Variants in LARP1B observed in about 807,000 individuals in gnomAD.
The protein encoded by LARP1B is La ribonucleoprotein 1B.
LARP1B carries 76 observed loss-of-function variants against 114.2 expected under a neutral mutation model. The observed-to-expected ratio is 0.67, with a 90% CI of 0.55 to 0.81. The LOEUF (loss-of-function observed/expected upper bound fraction) is 0.81. LARP1B is among the 30% of genes least tolerant of loss of function. The probability of loss-of-function intolerance (pLI) is 0.00; values close to 1 mark genes in which losing one functional copy is unlikely to be tolerated. For synonymous variants in LARP1B, 345 were observed against 348.0 expected (o/e 0.99, Z 0.10); for missense variants, 1,014 against 1,075.8 (o/e 0.94, Z 0.80).
At chr4:128,222,415 G>T in exon 8 of LARP1B, 1 of 456,422 alleles carries the variant, frequency 2.2e-6, no homozygotes, top group South Asian at 1.6e-5. Flanking sequence ...ATGAGAATCT[G>T]CCTTCCTGTG....
chr4:128,162,458 T>A, intron 12 of LARP1B, 141 bp downstream of exon 12: 1 of 727,924 alleles, frequency 1.4e-6, no homozygotes, highest in Admixed American at 3.1e-5. Context: ...AAAACTCAAC[T>A]TTTATCCTTT....
Position 128,077,896 on chromosome 4 carries a change from A to C in LARP1B, c.151A>C (p.Lys51Gln), listed in dbSNP as rs765250040. ...TGACAGCAAAGAAAACCGGGAAACA[A>C]AATTAAATGGTCCTGGTGAAAACGT... ...NSDSKENRET[K>Q]LNGPGENVSE... The change falls in exon 4 of 20, where the codon AAA (lysine) becomes CAA (glutamine). Residue 51 changes from lysine (K) to glutamine (Q), a missense_variant. Physicochemically the swap from Lys to Gln is moderately conservative, Grantham distance 53. Transcript: ENST00000326639. 9 of 1,613,804 alleles carry C rather than the reference A, an allele frequency of 5.6e-6. No homozygotes were observed. In the South Asian group the frequency reaches 8.8e-5, roughly 16 times the overall value.
chr4:128,140,909 G>A (rs544707622), intron 11 of LARP1B, among the ~76,000 whole-genome samples: 26 of 148,608 alleles, frequency 1.7e-4, no homozygotes, highest in African/African-American at 5.9e-4. Context: ...TCCGCCTCCC[G>A]GGTTCAAGCG....
At chr4:128,066,167 T>TC (rs1405728794) in intron 1 of LARP1B, among the ~76,000 whole-genome samples, 3 of 136,696 alleles carry the variant, frequency 2.2e-5, no homozygotes, top group African/African-American at 8.0e-5. Flanking sequence ...TCTTTCTTCT[T>TC]TTTTTTTTTT....
In LARP1B at chr4:128,211,893, A is replaced by AT. The variant is rs1162840959; in HGVS notation, c.*1845dup. 4 of 361,022 alleles carry AT rather than the reference A, an allele frequency of 1.1e-5. No individual in the cohort carries two copies. Among genetic ancestry groups the AT allele is most frequent in the Non-Finnish European group, 3.9e-6 (1 of 259,574 alleles). The allele number at this position is 361,022 out of a possible 1,614,324, so 22.4% of individuals were successfully genotyped here. A position where few individuals can be genotyped will look rare whatever the true frequency, so the allele number is the denominator to read the frequency against. Reference sequence around the variant, plus strand: ...TTGTATTAATTAGTAGTTTTATCATATTTTTATTATAAAAGTAATACATGT... The same window carrying AT: ...TTGTATTAATTAGTAGTTTTATCATATTTTTTATTATAAAAGTAATACATGT... On this transcript the variant is annotated 3_prime_UTR_variant, in exon 20 of 20. Transcript: ENST00000326639.
chr4:128,091,515 A>G lies in LARP1B; in HGVS notation c.668+3A>G. ...AAAGAGTATATTAAGCGTCAAATGT[A>G]AGTGGATGTTTGATGTAAGCAGACG... On this transcript the variant is annotated splice_donor_region_variant and intron_variant, in intron 7 of 19. Coordinates refer to ENST00000326639, the MANE Select transcript of LARP1B (RefSeq NM_018078.4). 1 of 1,595,154 alleles carries G rather than the reference A, an allele frequency of 6.3e-7. No individual in the cohort carries two copies. Among genetic ancestry groups the G allele is most frequent in the South Asian group, 1.2e-5 (1 of 86,654 alleles).
chr4:128,191,526 G>A (rs1226100540), intron 15 of LARP1B, among the ~76,000 whole-genome samples: 1 of 152,048 alleles, frequency 6.6e-6, no homozygotes, highest in Non-Finnish European at 1.5e-5. Context: ...ACAAACATTG[G>A]AGCACTGCCT....
chr4:128,077,984 TTTTGA>T, intron 4 of LARP1B, 22 bp downstream of exon 4: 1 of 1,475,030 alleles, frequency 6.8e-7, no homozygotes, highest in Non-Finnish European at 9.0e-7. Flanking sequence ...CATATCTTTA[TTTTGA>T]TTTTAGTTTT....
chr4:128,153,226 G>A (rs1581065566), intron 11 of LARP1B, among the ~76,000 whole-genome samples: 2 of 151,244 alleles, frequency 1.3e-5, no homozygotes, highest in Admixed American at 6.6e-5. Context: ...CAGCTGATCC[G>A]CCTGCCTCGA....
intron 11 of LARP1B, among the ~76,000 whole-genome samples, chr4:128,126,463 T>C (rs1402643780): frequency 2.0e-5 from 3 of 152,144 alleles, no homozygotes; most frequent in Non-Finnish European, 4.4e-5. Context: ...AAACAAAATA[T>C]GCAGTAGCTA....
exon 8 of LARP1B, chr4:128,222,494 C>A: frequency 2.5e-6 from 1 of 395,512 alleles, no homozygotes. Flanking sequence ...CCAAGTTTGA[C>A]TTGCATCTTA....
chr4:128,137,417 T>C (rs1725842878), intron 11 of LARP1B, among the ~76,000 whole-genome samples: 1 of 152,216 alleles, frequency 6.6e-6, no homozygotes, highest in Admixed American at 6.5e-5. Flanking sequence ...CTTATTCATG[T>C]GGCAGAGGGG....
Position 128,200,381 on chromosome 4 carries a change from T to C in LARP1B, c.2165-140T>C. On this transcript the variant is annotated intron_variant, in intron 16 of 19. Coordinates refer to ENST00000326639, the MANE Select transcript of LARP1B (RefSeq NM_018078.4). ...CAGTCTGTGGCCTGGAGGTTGGAGA[T>C]CCCCACTCTATTTAGAAGAAACCTA... 5 of 539,110 alleles carry C rather than the reference T, an allele frequency of 9.3e-6. No homozygotes were observed. In the East Asian group the frequency reaches 1.6e-4, roughly 18 times the overall value. 33.4% of individuals were successfully genotyped at this position (539,110 alleles called of 1,614,324 possible).
intron 6 of LARP1B, 59 bp from the exon 7 acceptor site, chr4:128,091,288 C>A: frequency 5.3e-6 from 8 of 1,516,406 alleles, no homozygotes; most frequent in South Asian, 1.2e-5. Flanking sequence ...TCACTTTATC[C>A]GTAGTAACTA....
rs1214070999 is a variant in LARP1B, at chr4:128,128,635, C to CTA, written c.1524+6447_1524+6448insTA. On this transcript the variant is annotated intron_variant, in intron 11 of 19. Coordinates refer to ENST00000326639, the MANE Select transcript of LARP1B (RefSeq NM_018078.4). ...TGCCCTGCATTGCAAGAAAATATAC[C>CTA]ACGTATTGCTGGCCTGGGAGAATTT... Among the ~76,000 whole-genome samples the CTA allele has an allele frequency of 2.6e-5, 4 of 152,040 alleles. No homozygotes were observed. In the East Asian group the frequency reaches 7.7e-4, roughly 29 times the overall value.
Position 128,121,876 on chromosome 4 carries a change from A to G in LARP1B, c.1212A>G (p.Glu404=). 6.2e-7 allele frequency: 1 copy of G among 1,611,036 alleles called. No individual in the cohort carries two copies. The highest frequency in any genetic ancestry group is 8.5e-7 in the Non-Finnish European group (1 of 1,179,000). ...EGSLNQLCSS[E]EPEQEELDFL... is the part of the protein sequence containing the mutation. Reference sequence around the variant, plus strand: ...CATTAAATCAGCTATGTTCTTCAGAAGAACCAGAACAAGAAGAACTTGATT... The same window carrying G: ...CATTAAATCAGCTATGTTCTTCAGAGGAACCAGAACAAGAAGAACTTGATT... Residue 404 remains glutamate, a synonymous_variant, in exon 11 of 20, where the codon GAA becomes GAG. Transcript: ENST00000326639.
In LARP1B at chr4:128,182,111, C is replaced by CTTTT. The variant is rs35344280; in HGVS notation, c.2003+2616_2003+2619dup. Among the ~76,000 whole-genome samples the CTTTT allele has an allele frequency of 2.7e-4, 31 of 113,186 alleles. 7 individuals carry two copies. Among genetic ancestry groups the CTTTT allele is most frequent in the Non-Finnish European group, 2.8e-4 (16 of 56,474 alleles). 74.3% of individuals were successfully genotyped at this position (113,186 alleles called of 152,430 possible). ...ACAGGCATGAGCCACTGCACCCGGC[C>CTTTT]TTTTTTTTTTTTTTTTTTTTGAGAC... is the stretch of plus-strand genomic sequence containing the variant. On this transcript the variant is annotated intron_variant, in intron 15 of 19. Transcript: ENST00000326639.
chr4:128,163,398 A>G (rs1427721064), intron 12 of LARP1B, among the ~76,000 whole-genome samples: 2 of 152,188 alleles, frequency 1.3e-5, no homozygotes, highest in Non-Finnish European at 2.9e-5. Flanking sequence ...GAATACTATT[A>G]GGAGATACAT....
chr4:128,075,242 C>T (rs984806580), intron 3 of LARP1B, among the ~76,000 whole-genome samples: 1 of 151,828 alleles, frequency 6.6e-6, no homozygotes, highest in African/African-American at 2.4e-5. Context: ...GCTGGGACTA[C>T]AGGCACGCAC....
Sources: gnomAD v4.1 joint callset for allele counts (sites outside exome capture counted in the v4.1 genomes callset) on GRCh38, gnomAD v4.1.1 for gene constraint, MANE v1.5 for transcripts, NCBI Gene and HGNC (gene_info 2026-07-23, HGNC 2026-07-21) for gene names.